The following DNM2 variants were observed in gnomAD, a reference collection of about 807,000 sequenced individuals.
DNM2 encodes the protein dynamin 2, also known as dynamin-2.
A neutral mutation model predicts 99.0 loss-of-function variants in DNM2; 15 were observed. The ratio of observed to expected loss-of-function variants is 0.15; its 90% CI spans 0.10 to 0.23. The LOEUF is 0.23. Among genes scored for constraint, DNM2 ranks in the 10% least tolerant of loss-of-function variants. The probability of loss-of-function intolerance (pLI) is 1.00; values close to 1 mark genes in which losing one functional copy is unlikely to be tolerated. For missense variants in DNM2, 742 were observed against 1,189.4 expected, an observed-to-expected ratio of 0.62 and a Z score of 5.53; for synonymous variants, 525 against 481.2, an observed-to-expected ratio of 1.09 and a Z score of -1.19.
chr19:10,741,120 C>T (rs1230777739), intron 1 of DNM2, among the ~76,000 whole-genome samples: 1 of 152,146 alleles, frequency 6.6e-6, no homozygotes, highest in Non-Finnish European at 1.5e-5. Flanking sequence ...TCCTTGTTAT[C>T]TTTTATTTGG....
chr19:10,789,683 A>G (rs369061008), intron 7 of DNM2, among the ~76,000 whole-genome samples: 1 of 152,028 alleles, frequency 6.6e-6, no homozygotes, highest in South Asian at 2.1e-4. Context: ...AAAATACAAA[A>G]ATTAGCCAGG....
intron 15 of DNM2, 55 bp from the exon 16 acceptor site, chr19:10,819,925 C>T: frequency 1.9e-6 from 3 of 1,549,062 alleles, no homozygotes; most frequent in Admixed American, 3.3e-5. Context: ...TGGCCTGGGG[C>T]ATCCTGAGTT....
chr19:10,792,786 T>G (rs2071799720), intron 7 of DNM2, among the ~76,000 whole-genome samples: 1 of 152,088 alleles, frequency 6.6e-6, no homozygotes, highest in Non-Finnish European at 1.5e-5. Context: ...TTTTGTATTT[T>G]TAGTAGAGAC....
intron 1 of DNM2, among the ~76,000 whole-genome samples, chr19:10,726,151 G>C (rs1358963047): frequency 6.6e-6 from 1 of 151,538 alleles, no homozygotes; most frequent in East Asian, 1.9e-4. Flanking sequence ...CCTGGGAGGC[G>C]GAGGTTGCAG....
intron 1 of DNM2, among the ~76,000 whole-genome samples, chr19:10,729,809 C>T (rs1358374181): frequency 6.6e-6 from 1 of 151,940 alleles, no homozygotes; most frequent in Non-Finnish European, 1.5e-5. Flanking sequence ...TCTGGTGTTT[C>T]TGTACTTAGG....
chr19:10,779,003 C>T (rs1235969799), intron 5 of DNM2, among the ~76,000 whole-genome samples: 1 of 152,040 alleles, frequency 6.6e-6, no homozygotes, highest in Admixed American at 6.6e-5. Flanking sequence ...ATCACAAGGT[C>T]AGGAGATCAA....
At chr19:10,769,214 A>G (rs1393834744) in intron 2 of DNM2, 1 of 152,288 alleles carries the variant, frequency 6.6e-6, no homozygotes, top group Non-Finnish European at 1.5e-5. Context: ...TGCGCATTTT[A>G]CAGATCAGTA....
chr19:10,830,286 C>T lies in DNM2; in HGVS notation c.2451C>T (p.Ser817=), dbSNP rs751961437. ...TCCCATCCCGGCCTGGACCCCAGAG[C>T]GTGTTTGCCAACAGTGACCTCTTCC... is the stretch of plus-strand genomic sequence containing the variant. The part of the protein sequence containing the change: ...PPIPSRPGPQ[S]VFANSDLFPA... Residue 817 remains serine (S), a synonymous_variant, in exon 20 of 21, where the codon AGC becomes AGT. Transcript: ENST00000389253. The surrounding 1 kb of genome is among the most constrained non-coding windows in gnomAD (Gnocchi z 4.8). 5 of 1,613,744 alleles carry T rather than the reference C, an allele frequency of 3.1e-6. No homozygotes were observed. The highest frequency in any genetic ancestry group is 1.7e-5 in the Admixed American group (1 of 59,982).
At chr19:10,759,920 T>C in intron 2 of DNM2, 109 bp downstream of exon 2, 1 of 1,434,582 alleles carries the variant, frequency 7.0e-7, no homozygotes, top group Non-Finnish European at 9.8e-7. Flanking sequence ...TCATTGGACA[T>C]TGAATTCACG....
intron 1 of DNM2, among the ~76,000 whole-genome samples, chr19:10,758,947 C>T (rs1555702692): frequency 6.7e-6 from 1 of 149,168 alleles, no homozygotes; most frequent in Non-Finnish European, 1.5e-5. Context: ...TTTTACAGTC[C>T]TTTTTTTTTT....
At chr19:10,783,816 T>C (rs1332317617) in intron 6 of DNM2, among the ~76,000 whole-genome samples, 1 of 151,930 alleles carries the variant, frequency 6.6e-6, no homozygotes, top group African/African-American at 2.4e-5. Context: ...TTCTCCTGCC[T>C]CAGCTTCCTG....
chr19:10,829,608 G>A (rs2073262699), intron 19 of DNM2, among the ~76,000 whole-genome samples: 1 of 152,180 alleles, frequency 6.6e-6, no homozygotes. Flanking sequence ...CACAGAGAAG[G>A]GCAGATGGGA....
intron 2 of DNM2, among the ~76,000 whole-genome samples, chr19:10,762,186 G>A (rs2070655891): frequency 6.6e-6 from 1 of 152,100 alleles, no homozygotes; most frequent in South Asian, 2.1e-4. Flanking sequence ...ACAGGCATGA[G>A]CTACCACGCC....
In DNM2 at chr19:10,795,481, G is replaced by T; in HGVS notation, c.1196+42G>T. ...GAGTCACCACTGTTCCTTCCTCTCCGTGGTGCGACCCCCCAGCTAATTGGG... is the reference window on the plus strand; with the variant it reads ...GAGTCACCACTGTTCCTTCCTCTCCTTGGTGCGACCCCCCAGCTAATTGGG... On this transcript the variant is annotated intron_variant, in intron 9 of 20. Transcript: ENST00000389253. This position sits in a 1 kb window ranked among gnomAD's most constrained non-coding sequence, Gnocchi z 4.2. The T allele has an allele frequency of 1.9e-6, 3 of 1,610,176 alleles. No individual in the cohort carries two copies. The highest frequency in any genetic ancestry group is 2.5e-6 in the Non-Finnish European group (3 of 1,176,848).
rs775262558 is a variant in DNM2 at position 10,816,159 on chromosome 19, G to A, written c.1671+3782G>A. On this transcript the variant is annotated intron_variant, in intron 15 of 20. Coordinates refer to ENST00000389253, the MANE Select transcript of DNM2 (RefSeq NM_001005361.3). The surrounding 1 kb of genome is among the most constrained non-coding windows in gnomAD (Gnocchi z 4.6). ...GGAGGCTTCCCCAGTGCACGTCTGC[G>A]GGCCCATGCTCCCTGACCTGAGGGA... Among the ~76,000 whole-genome samples the A allele has an allele frequency of 1.3e-5, 2 of 152,022 alleles. No homozygotes were observed. The highest frequency in any genetic ancestry group is 3.2e-3 in the Middle Eastern group (1 of 314).
chr19:10,753,407 T>TC lies in DNM2; in HGVS notation c.162-6322dup, dbSNP rs372769240. Among the ~76,000 whole-genome samples the TC allele has an allele frequency of 3.4e-3, 251 of 74,622 alleles. 1 individual carries two copies. The highest frequency in any genetic ancestry group is 8.2e-3 in the Middle Eastern group (1 of 122). 49.0% of individuals were successfully genotyped at this position (74,622 alleles called of 152,430 possible). On this transcript the variant is annotated intron_variant, in intron 1 of 20. Transcript: ENST00000389253. The stretch of plus-strand genomic sequence containing the variant: ...TCCCCTTCCCCCCTCCCCCTTCCCT[T>TC]CCCCCCCCCACTTCCCTTTCCCCTT...
intron 18 of DNM2, among the ~76,000 whole-genome samples, chr19:10,826,407 C>A (rs1349798141): frequency 6.6e-6 from 1 of 152,192 alleles, no homozygotes; most frequent in Non-Finnish European, 1.5e-5. Flanking sequence ...TGATCTGGGG[C>A]CCAGCCTCTT....
chr19:10,740,155 C>A (rs1487803552), intron 1 of DNM2, among the ~76,000 whole-genome samples: 1 of 152,014 alleles, frequency 6.6e-6, no homozygotes, highest in Non-Finnish European at 1.5e-5. Flanking sequence ...AGTCTTATCT[C>A]TTTTTCTCTT....
At chr19:10,740,370 C>A (rs929355191) in intron 1 of DNM2, among the ~76,000 whole-genome samples, 1 of 149,568 alleles carries the variant, frequency 6.7e-6, no homozygotes, top group African/African-American at 2.5e-5. Flanking sequence ...TGAAATCTTT[C>A]TCTTTTTTTT....
Sources: allele counts gnomAD v4.1 joint callset (sites outside exome capture counted in the v4.1 genomes callset), GRCh38; gene constraint gnomAD v4.1.1; non-coding constraint Gnocchi (gnomAD v3.1); transcripts MANE v1.5; gene names NCBI Gene and HGNC (gene_info 2026-07-23, HGNC 2026-07-21).